The following PSD3 variants were observed in gnomAD, a reference collection of about 807,000 sequenced individuals.
PSD3 encodes pleckstrin and Sec7 domain containing 3, also known as PH and SEC7 domain-containing protein 3.
PSD3 carries 49 observed loss-of-function variants against 105.5 expected under a neutral mutation model. That is an observed-to-expected ratio of 0.46 (90% CI 0.37 to 0.59). The LOEUF (loss-of-function observed/expected upper bound fraction) is 0.59, where lower values mean the gene tolerates loss of function less well. PSD3 is among the 20% of genes least tolerant of loss of function. PSD3 has a pLI of 0.00. For missense variants in PSD3, 1,561 were observed against 1,263.8 expected, an observed-to-expected ratio of 1.24 and a Z score of -3.57; for synonymous variants, 557 against 457.8, an observed-to-expected ratio of 1.22 and a Z score of -2.77.
chr8:18,607,260 G>A (rs1416272873), intron 11 of PSD3, among the ~76,000 whole-genome samples: 1 of 152,154 alleles, frequency 6.6e-6, no homozygotes, highest in East Asian at 1.9e-4. Flanking sequence ...CCCCTCAGGT[G>A]CTCCCAGCTC....
chr8:18,974,934 T>A (rs894203616), intron 1 of PSD3, among the ~76,000 whole-genome samples: 2 of 152,270 alleles, frequency 1.3e-5, no homozygotes, highest in East Asian at 3.9e-4. Context: ...TCTTTTTCCT[T>A]GACCAGAAGG....
At chr8:18,556,437 G>A (rs898380571) in intron 14 of PSD3, 85 bp from the exon 15 acceptor site, 2 of 1,408,698 alleles carry the variant, frequency 1.4e-6, no homozygotes, top group African/African-American at 2.9e-5. Flanking sequence ...AATCCCCTGT[G>A]CTGAATGACT....
intron 9 of PSD3, among the ~76,000 whole-genome samples, chr8:18,677,136 T>G (rs987624783): frequency 3.9e-5 from 6 of 152,168 alleles, no homozygotes; most frequent in Non-Finnish European, 8.8e-5. Context: ...AGACATTTAT[T>G]TATATGAAAG....
intron 4 of PSD3, among the ~76,000 whole-genome samples, chr8:18,859,495 G>T (rs886480336): frequency 9.9e-5 from 15 of 152,154 alleles, no homozygotes; most frequent in African/African-American, 3.6e-4. Context: ...GCGATGCCTC[G>T]TACTCTCTAG....
intron 8 of PSD3, among the ~76,000 whole-genome samples, chr8:18,775,665 C>T (rs535543263): frequency 1.3e-5 from 2 of 152,210 alleles, no homozygotes; most frequent in African/African-American, 4.8e-5. Context: ...AAAAATTTTG[C>T]CCATTTTAAA....
intron 1 of PSD3, among the ~76,000 whole-genome samples, chr8:19,040,425 C>T (rs1051428292): frequency 3.3e-5 from 5 of 152,078 alleles, no homozygotes; most frequent in Non-Finnish European, 4.4e-5. Flanking sequence ...AGGCTGGTCT[C>T]GAACTCCTGC....
chr8:18,648,687 G>C (rs1808239847), intron 10 of PSD3, among the ~76,000 whole-genome samples: 2 of 152,338 alleles, frequency 1.3e-5, no homozygotes, highest in South Asian at 2.1e-4. Flanking sequence ...ATGCCTCAAA[G>C]GCATTTCAGA....
At chr8:18,549,177 GTTTTT>G (rs60419038) in intron 15 of PSD3, among the ~76,000 whole-genome samples, 91 of 115,766 alleles carry the variant, frequency 7.9e-4, no homozygotes, top group South Asian at 1.5e-3. Context: ...TCTATTCTCA[GTTTTT>G]TTTTTTTTTT....
At chr8:19,057,993 T>G (rs1302761360) in intron 1 of PSD3, among the ~76,000 whole-genome samples, 1 of 152,222 alleles carries the variant, frequency 6.6e-6, no homozygotes, top group Admixed American at 6.5e-5. Context: ...CAGGACCACT[T>G]ACAGCCCCTC....
chr8:18,619,399 T>C (rs1158649145), intron 11 of PSD3, among the ~76,000 whole-genome samples: 1 of 151,758 alleles, frequency 6.6e-6, no homozygotes, highest in African/African-American at 2.4e-5. Context: ...AATCCCAGCA[T>C]TTTGGGAGGC....
intron 7 of PSD3, 120 bp downstream of exon 7, chr8:18,801,150 G>T: frequency 1.7e-6 from 1 of 600,522 alleles, no homozygotes; most frequent in Non-Finnish European, 2.9e-6. Flanking sequence ...AAACAGAAGT[G>T]TTAATAGTTA....
chr8:18,553,268 T>C (rs1800883729), intron 15 of PSD3, among the ~76,000 whole-genome samples: 1 of 152,182 alleles, frequency 6.6e-6, no homozygotes, highest in Admixed American at 6.5e-5. Context: ...AGAGCACCCA[T>C]TCATGCCTAT....
intron 2 of PSD3, among the ~76,000 whole-genome samples, chr8:18,898,634 G>A (rs757365710): frequency 1.3e-5 from 2 of 152,052 alleles, no homozygotes; most frequent in Non-Finnish European, 2.9e-5. Context: ...TATAAATAGG[G>A]AATGGACACA....
Position 19,013,673 on chromosome 8 carries a change from G to T in PSD3, c.-90C>A, listed in dbSNP as rs1827064231. On this transcript the variant is annotated 5_prime_UTR_variant, in exon 1 of 16. Coordinates refer to ENST00000327040, the MANE Select transcript of PSD3 (RefSeq NM_015310.4). ...GGCGCGAGTGCCGGCGGCCAGCGCCGCGTGCTCTTTGTTGAGCTCCCGGGA... is the reference window on the plus strand; with the variant it reads ...GGCGCGAGTGCCGGCGGCCAGCGCCTCGTGCTCTTTGTTGAGCTCCCGGGA... 1 of 1,145,714 alleles carries T rather than the reference G, an allele frequency of 8.7e-7. No homozygotes were observed. Among genetic ancestry groups the T allele is most frequent in the Non-Finnish European group, 1.1e-6 (1 of 918,832 alleles). 71.0% of individuals were successfully genotyped at this position (1,145,714 alleles called of 1,614,324 possible).
intron 1 of PSD3, among the ~76,000 whole-genome samples, chr8:19,028,514 C>A (rs1234783424): frequency 6.6e-6 from 1 of 151,952 alleles, no homozygotes; most frequent in Non-Finnish European, 1.5e-5. Flanking sequence ...AGCCATTGTG[C>A]CCAACTCCCA....
chr8:18,913,086 A>AACACACACACACACAC (rs72253853), intron 2 of PSD3, among the ~76,000 whole-genome samples: 1 of 130,464 alleles, frequency 7.7e-6, no homozygotes, highest in South Asian at 2.6e-4. Flanking sequence ...CACACACACA[A>AACACACACACACACAC]ACACACACAC....
chr8:19,002,612 A>G (rs890717665), intron 1 of PSD3, among the ~76,000 whole-genome samples: 5 of 152,166 alleles, frequency 3.3e-5, no homozygotes, highest in Non-Finnish European at 7.4e-5. Flanking sequence ...GCATTTGCAC[A>G]TAACATATTT....
chr8:18,938,359 T>C (rs1038763465), intron 1 of PSD3, among the ~76,000 whole-genome samples: 12 of 150,086 alleles, frequency 8.0e-5, no homozygotes, highest in African/African-American at 2.9e-4. Context: ...CAGTGGCTCA[T>C]GCCTTTAATC....
intron 13 of PSD3, 65 bp downstream of exon 13, chr8:18,575,063 C>A: frequency 1.4e-6 from 2 of 1,480,544 alleles, no homozygotes; most frequent in South Asian, 1.5e-5. Context: ...TGATTTTGTT[C>A]CTTGCAATAA....
Sources: gnomAD v4.1 joint callset for allele counts (sites outside exome capture counted in the v4.1 genomes callset) on GRCh38, gnomAD v4.1.1 for gene constraint, MANE v1.5 for transcripts, NCBI Gene and HGNC (gene_info 2026-07-23, HGNC 2026-07-21) for gene names.